Variants in SLC36A1 observed in about 807,000 individuals in gnomAD.
SLC36A1 encodes the protein solute carrier family 36 member 1.
A neutral mutation model predicts 47.5 loss-of-function variants in SLC36A1; 30 were observed. The observed-to-expected ratio is 0.63, with a 90% confidence interval of 0.47 to 0.86. The LOEUF is 0.86. Ranked by LOEUF, SLC36A1 falls within the 40% of genes least tolerant of loss-of-function variation. The pLI is 0.00. For synonymous variants in SLC36A1, 255 were observed against 249.7 expected (o/e 1.02, Z -0.20); for missense variants, 517 against 606.0 (o/e 0.85, Z 1.54).
chr5:151,550,615 G>A, the SLC36A1 span: 1 of 1,614,012 alleles, frequency 6.2e-7, no homozygotes, highest in Admixed American at 1.7e-5. Flanking sequence ...GTGCTGGGAG[G>A]GCCCCGAGCC....
the SLC36A1 span, among the ~76,000 whole-genome samples, chr5:151,411,833 T>C: frequency 3.5e-5 from 5 of 144,506 alleles, no homozygotes; most frequent in African/African-American, 1.3e-4. Flanking sequence ...CCAAACCTCC[T>C]TCATAGCATT....
intron 8 of SLC36A1, 138 bp downstream of exon 8, chr5:151,473,909 C>T: frequency 1.4e-6 from 1 of 705,870 alleles, no homozygotes; most frequent in South Asian, 1.8e-5. Flanking sequence ...CCTGTAATCT[C>T]AGCACTTTGG....
the SLC36A1 span, among the ~76,000 whole-genome samples, chr5:151,364,873 CAT>C: frequency 1.3e-5 from 2 of 152,082 alleles, no homozygotes; most frequent in African/African-American, 4.8e-5. Context: ...AGTCTGGGAA[CAT>C]GTTTACTTCA....
the SLC36A1 span, among the ~76,000 whole-genome samples, chr5:151,550,006 A>G: frequency 6.6e-6 from 1 of 152,186 alleles, no homozygotes; most frequent in Non-Finnish European, 1.5e-5. Context: ...TTCTGGTTCC[A>G]TCATAAATAA....
downstream of SLC36A1, among the ~76,000 whole-genome samples, chr5:151,496,387 G>A (rs72798320): frequency 0.016 from 2,364 of 152,276 alleles, 38 homozygotes; most frequent in Middle Eastern, 0.037. Context: ...GTCTTTATCA[G>A]CAGCGCGAAA....
the SLC36A1 span, chr5:151,529,498 G>T: frequency 1.1e-6 from 1 of 884,200 alleles, no homozygotes; most frequent in Admixed American, 2.0e-5. Flanking sequence ...ACAGGGCTAG[G>T]CAAGGTAAGT....
chr5:151,432,629 A>C (rs1302527391), upstream of SLC36A1, among the ~76,000 whole-genome samples: 7 of 152,204 alleles, frequency 4.6e-5, no homozygotes, highest in Admixed American at 4.6e-4. Context: ...AGTTGACCTT[A>C]AGATGTGGAA....
intron 7 of SLC36A1, among the ~76,000 whole-genome samples, chr5:151,472,437 C>T (rs1464655606): frequency 6.6e-6 from 1 of 152,254 alleles, no homozygotes; most frequent in Admixed American, 6.5e-5. Flanking sequence ...CTCACAAACA[C>T]ACGCAGGAAC....
chr5:151,522,237 A>G, the SLC36A1 span: 1 of 606,468 alleles, frequency 1.6e-6, no homozygotes, highest in Non-Finnish European at 2.8e-6. Flanking sequence ...GAAAAAAAAA[A>G]CCTAACTCCA....
downstream of SLC36A1, among the ~76,000 whole-genome samples, chr5:151,494,702 G>A (rs1342015207): frequency 6.6e-6 from 1 of 152,146 alleles, no homozygotes; most frequent in East Asian, 1.9e-4. Flanking sequence ...CCATTCATTA[G>A]TTGATAGTCT....
At chr5:151,367,374 T>TTTTTTTTTTTTTTTTTTTA in the SLC36A1 span, among the ~76,000 whole-genome samples, 1 of 145,466 alleles carries the variant, frequency 6.9e-6, no homozygotes. Flanking sequence ...TTTTTTTTTT[T>TTTTTTTTTTTTTTTTTTTA]CCCCAGGGTA....
the SLC36A1 span, chr5:151,543,330 A>T: frequency 8.1e-6 from 13 of 1,614,048 alleles, no homozygotes; most frequent in Admixed American, 2.0e-4. Context: ...GAGAGTCTTT[A>T]CTGACATTGG....
the SLC36A1 span, among the ~76,000 whole-genome samples, chr5:151,385,054 G>GAC: frequency 6.6e-6 from 1 of 151,106 alleles, no homozygotes; most frequent in African/African-American, 2.4e-5. Flanking sequence ...GAGAGAGAGA[G>GAC]ACAGAGAGAA....
At chr5:151,416,997 C>T in the SLC36A1 span, among the ~76,000 whole-genome samples, 4 of 152,326 alleles carry the variant, frequency 2.6e-5, no homozygotes, top group African/African-American at 9.6e-5. Context: ...AGGTGCCTTG[C>T]TTCCTCTTTG....
chr5:151,397,785 A>G, the SLC36A1 span, among the ~76,000 whole-genome samples: 2 of 151,302 alleles, frequency 1.3e-5, no homozygotes, highest in Non-Finnish European at 2.9e-5. Flanking sequence ...AAAAAAAAAA[A>G]AAAGTCAAAT....
At chr5:151,535,617 C>A in the SLC36A1 span, among the ~76,000 whole-genome samples, 12 of 152,274 alleles carry the variant, frequency 7.9e-5, no homozygotes, top group Admixed American at 3.3e-4. Flanking sequence ...AAGTGTTTTT[C>A]TGAGTTCTGT....
chr5:151,543,893 A>T, the SLC36A1 span: 1 of 1,614,200 alleles, frequency 6.2e-7, no homozygotes, highest in Non-Finnish European at 8.5e-7. Context: ...TCCAGGCGGG[A>T]GGTGTCTCTG....
intron 7 of SLC36A1, among the ~76,000 whole-genome samples, chr5:151,473,081 G>T (rs1757535899): frequency 6.6e-6 from 1 of 152,266 alleles, no homozygotes; most frequent in South Asian, 2.1e-4. Context: ...GAGGCACGAA[G>T]AATTGCTTGA....
At chr5:151,470,693 G>A (rs1360609451) in intron 7 of SLC36A1, 1 of 152,484 alleles carries the variant, frequency 6.6e-6, no homozygotes, top group Non-Finnish European at 1.5e-5. Context: ...TCTGCGGCTT[G>A]TTACTACTGT....
Sources: allele counts gnomAD v4.1 joint callset (sites outside exome capture counted in the v4.1 genomes callset), GRCh38; gene constraint gnomAD v4.1.1; transcripts MANE v1.5; gene names NCBI Gene and HGNC (gene_info 2026-07-23, HGNC 2026-07-21).